USP12: variants seen among roughly 807,000 people sequenced by gnomAD.
The protein encoded by USP12 is ubiquitin specific peptidase 12, also known as ubiquitin carboxyl-terminal hydrolase 12.
A neutral mutation model predicts 45.5 loss-of-function variants in USP12; 19 were observed. The ratio of observed to expected loss-of-function variants is 0.42; its 90% CI spans 0.29 to 0.61. USP12 has a LOEUF of 0.61. USP12 is among the 20% of genes least tolerant of loss of function. The probability of loss-of-function intolerance (pLI) is 0.22; values close to 1 mark genes in which losing one functional copy is unlikely to be tolerated. For synonymous variants in USP12, 149 were observed against 148.8 expected (o/e 1.00, Z -0.01); for missense variants, 242 against 447.7 (o/e 0.54, Z 4.15).
Position 27,168,765 on chromosome 13 carries a change from A to C in USP12, c.48+2827T>G, listed in dbSNP as rs142385966. Among the ~76,000 whole-genome samples, 277 of 152,318 alleles carry C rather than the reference A, an allele frequency of 1.8e-3. 2 individuals are homozygous for C. Among genetic ancestry groups the C allele is most frequent in the African/African-American group, 6.3e-3 (261 of 41,582 alleles). On this transcript the variant is annotated intron_variant, in intron 1 of 8. Transcript: ENST00000282344. ...TTACTAATTTTCACATGTAAGCACA[A>C]CACTAGTGATCTAAAATAAGACACA...
intron 1 of USP12, among the ~76,000 whole-genome samples, chr13:27,149,624 T>TG (rs1263626736): frequency 6.6e-6 from 1 of 151,978 alleles, no homozygotes; most frequent in Non-Finnish European, 1.5e-5. Flanking sequence ...GCTGCAGATG[T>TG]GGGGGGTGGG....
chr13:27,158,329 C>A (rs1263095734), intron 1 of USP12, among the ~76,000 whole-genome samples: 1 of 152,174 alleles, frequency 6.6e-6, no homozygotes, highest in Non-Finnish European at 1.5e-5. Flanking sequence ...AGAGTCTCCT[C>A]ATAGCCCTCA....
intron 1 of USP12, chr13:27,169,258 G>C (rs1053838693): frequency 5.9e-5 from 9 of 152,190 alleles, no homozygotes; most frequent in Admixed American, 5.9e-4. Context: ...GGGTTGGACA[G>C]GGGTAGGATT....
Position 27,095,525 on chromosome 13 carries a change from TTCTG to T in USP12, c.573+72_573+75del, listed in dbSNP as rs1874535762. The T allele has an allele frequency of 5.6e-6, 6 of 1,070,100 alleles. No individual in the cohort carries two copies. The African/African-American group carries it at 6.5e-5, about 12-fold the overall frequency. 66.3% of individuals were successfully genotyped at this position (1,070,100 alleles called of 1,614,324 possible). On this transcript the variant is annotated intron_variant, in intron 4 of 8. Transcript: ENST00000282344. ...TTACAACTTTCAAGTTCATCTTCCA[TTCTG>T]TCTTTCTCAAAGAACAACCTTTAAC...
At chr13:27,131,372 T>C (rs115502199) in intron 1 of USP12, among the ~76,000 whole-genome samples, 3,218 of 152,338 alleles carry the variant, frequency 0.021, 51 homozygotes, top group South Asian at 0.049. Flanking sequence ...GGAAAATACC[T>C]ACTCTGCCTA....
At chr13:27,166,022 G>T (rs374460833) in intron 1 of USP12, among the ~76,000 whole-genome samples, 5 of 152,210 alleles carry the variant, frequency 3.3e-5, no homozygotes, top group African/African-American at 1.2e-4. Flanking sequence ...TTTAGACCTA[G>T]AAGGAGACAA....
chr13:27,079,118 G>A (rs926130520), intron 6 of USP12, among the ~76,000 whole-genome samples: 2 of 150,396 alleles, frequency 1.3e-5, no homozygotes, highest in African/African-American at 2.4e-5. Context: ...TGATTATTAT[G>A]AGACTACAAC....
intron 8 of USP12, among the ~76,000 whole-genome samples, chr13:27,070,767 G>A (rs569120120): frequency 1.1e-4 from 16 of 152,160 alleles, no homozygotes; most frequent in Non-Finnish European, 1.2e-4. Context: ...TGGTCAGGCT[G>A]GTCTCAAACT....
chr13:27,074,563 A>C (rs1186536631), intron 7 of USP12, among the ~76,000 whole-genome samples: 2 of 152,218 alleles, frequency 1.3e-5, no homozygotes, highest in Admixed American at 1.3e-4. Context: ...GGAAATTCTA[A>C]GCAGTCAATG....
chr13:27,114,768 T>TAA lies in USP12; in HGVS notation c.129+1747_129+1748insTT, dbSNP rs1565994181. Reference sequence around the variant, plus strand: ...GTGGGTATTTTCCTCCTCTCCATTTTTAAAAAAAAAAAAAAAACAAACTTG... The same window carrying TAA: ...GTGGGTATTTTCCTCCTCTCCATTTTAATAAAAAAAAAAAAAAAACAAACTTG... On this transcript the variant is annotated intron_variant, in intron 2 of 8. Coordinates refer to ENST00000282344, the MANE Select transcript of USP12 (RefSeq NM_182488.4). 1.1e-4 allele frequency among the ~76,000 whole-genome samples: 14 copies of TAA among 127,932 alleles called. 1 individual carries two copies. Among genetic ancestry groups the TAA allele is most frequent in the African/African-American group, 4.7e-4 (14 of 30,032 alleles). 83.9% of individuals were successfully genotyped at this position (127,932 alleles called of 152,430 possible).
chr13:27,123,322 C>G (rs1876086386), intron 1 of USP12, among the ~76,000 whole-genome samples: 1 of 152,114 alleles, frequency 6.6e-6, no homozygotes, highest in South Asian at 2.1e-4. Flanking sequence ...CCTTCCATCC[C>G]CACATTTTTA....
chr13:27,124,536 T>A (rs1215328335), intron 1 of USP12, among the ~76,000 whole-genome samples: 1 of 152,200 alleles, frequency 6.6e-6, no homozygotes, highest in Non-Finnish European at 1.5e-5. Flanking sequence ...CAGTTTCATG[T>A]TTCAAGTCAT....
chr13:27,099,625 T>G (rs1874770903), intron 3 of USP12, among the ~76,000 whole-genome samples: 2 of 152,218 alleles, frequency 1.3e-5, no homozygotes, highest in African/African-American at 4.8e-5. Context: ...TTATAGACCC[T>G]GAATCTTTCT....
chr13:27,171,762 C>A lies in USP12; in HGVS notation c.-123G>T. 4.2e-6 allele frequency: 2 copies of A among 472,026 alleles called. No homozygotes were observed. Among genetic ancestry groups the A allele is most frequent in the Non-Finnish European group, 5.7e-6 (2 of 353,644 alleles). 29.2% of individuals were successfully genotyped at this position (472,026 alleles called of 1,614,324 possible). A position where few individuals can be genotyped will look rare whatever the true frequency, so the allele number is the denominator to read the frequency against. On this transcript the variant is annotated 5_prime_UTR_variant, in exon 1 of 9. Transcript: ENST00000282344. Reference sequence around the variant, plus strand: ...CCCGAGCCGCCGCGGACCCAACCACCGAGCCCGCTGGGCCGCCGCTGCCGT... The same window carrying A: ...CCCGAGCCGCCGCGGACCCAACCACAGAGCCCGCTGGGCCGCCGCTGCCGT...
intron 1 of USP12, among the ~76,000 whole-genome samples, chr13:27,137,426 T>C (rs1876854812): frequency 6.6e-6 from 1 of 152,206 alleles, no homozygotes; most frequent in African/African-American, 2.4e-5. Flanking sequence ...GTCAATATTA[T>C]AGAAATGGAT....
chr13:27,110,075 G>A lies in USP12; in HGVS notation c.130-4131C>T, dbSNP rs181766385. ...GCCACTTTGAGACATGTAATTAAAC[G>A]TGTCCCATTTATGGCCAAAATGCCA... On this transcript the variant is annotated intron_variant, in intron 2 of 8. Transcript: ENST00000282344. Among the ~76,000 whole-genome samples, 449 of 140,144 alleles carry A rather than the reference G, an allele frequency of 3.2e-3. 2 individuals are homozygous for A. Among genetic ancestry groups the A allele is most frequent in the Non-Finnish European group, 4.7e-3 (315 of 66,358 alleles). The allele number at this position is 140,144 out of a possible 152,430, so 91.9% of individuals were successfully genotyped here. A position where few individuals can be genotyped will look rare whatever the true frequency, so the allele number is the denominator to read the frequency against.
intron 1 of USP12, among the ~76,000 whole-genome samples, chr13:27,161,525 C>A (rs1414861071): frequency 6.6e-6 from 1 of 151,564 alleles, no homozygotes; most frequent in Non-Finnish European, 1.5e-5. Context: ...AATTTACTCA[C>A]TATAATTTTA....
intron 1 of USP12, among the ~76,000 whole-genome samples, chr13:27,136,228 C>T (rs1040684266): frequency 1.3e-5 from 2 of 152,136 alleles, no homozygotes; most frequent in African/African-American, 2.4e-5. Flanking sequence ...CTTGGCGGGG[C>T]GCGGTGCTCA....
At position 27,129,467 on chromosome 13, in the gene USP12, T is replaced by A. The variant is rs1876393039; in HGVS notation, c.49-12871A>T. ...GGCCAGGTGCAGTGGTTCATGCCCATAATACCAGCACTTTGGGAAGTCAGA... is the reference window on the plus strand; with the variant it reads ...GGCCAGGTGCAGTGGTTCATGCCCAAAATACCAGCACTTTGGGAAGTCAGA... On this transcript the variant is annotated intron_variant, in intron 1 of 8. Coordinates refer to ENST00000282344, the MANE Select transcript of USP12 (RefSeq NM_182488.4). The surrounding 1 kb of genome is among the most constrained non-coding windows in gnomAD (Gnocchi z 4.0). 1.3e-5 allele frequency among the ~76,000 whole-genome samples: 2 copies of A among 152,184 alleles called. No individual in the cohort carries two copies. Among genetic ancestry groups the A allele is most frequent in the African/African-American group, 4.8e-5 (2 of 41,452 alleles).
Sources: gnomAD v4.1 joint callset for allele counts (sites outside exome capture counted in the v4.1 genomes callset) on GRCh38, gnomAD v4.1.1 for gene constraint, Gnocchi (gnomAD v3.1) non-coding constraint, MANE v1.5 for transcripts, NCBI Gene and HGNC (gene_info 2026-07-23, HGNC 2026-07-21) for gene names.